The following ORC3 variants were observed in gnomAD, a reference collection of about 807,000 sequenced individuals.
ORC3 encodes the protein origin recognition complex subunit 3.
ORC3 carries 78 observed loss-of-function variants against 100.7 expected under a neutral mutation model. The observed-to-expected ratio is 0.77, with a 90% CI of 0.65 to 0.94. The LOEUF is 0.94. Among genes scored for constraint, ORC3 ranks in the 40% least tolerant of loss-of-function variants. The pLI is 0.00. For synonymous variants in ORC3, 295 were observed against 289.3 expected (o/e 1.02, Z -0.20); for missense variants, 789 against 823.9 (o/e 0.96, Z 0.52).
chr6:87,672,090 G>A (rs578010740), downstream of ORC3, among the ~76,000 whole-genome samples: 5 of 152,222 alleles, frequency 3.3e-5, no homozygotes, highest in Admixed American at 2.6e-4. Flanking sequence ...GATGAGGGTA[G>A]CTATTTAAAA....
At position 87,621,384 on chromosome 6, in the gene ORC3, C is replaced by A. The variant is rs904775797; in HGVS notation, c.1018C>A (p.Pro340Thr). The A allele has an allele frequency of 1.9e-6, 3 of 1,579,132 alleles. No individual in the cohort carries two copies. The African/African-American group carries it at 4.1e-5, about 22-fold the overall frequency. ...LSLLEHFYSQ[P>T]LSVLCCNLPE... Reference sequence around the variant, plus strand: ...TCTATTAGAGCATTTCTATTCCCAGCCCTTAAGTGTCCTGTGCTGTAATCT... The same window carrying A: ...TCTATTAGAGCATTTCTATTCCCAGACCTTAAGTGTCCTGTGCTGTAATCT... Residue 340 changes from proline to threonine, a missense_variant, in exon 10 of 20, where the codon CCC (proline) becomes ACC (threonine). Coordinates refer to ENST00000392844, the MANE Select transcript of ORC3 (RefSeq NM_012381.4).
At position 87,612,826 on chromosome 6, in the gene ORC3, T is replaced by C. The variant is rs1583039596; in HGVS notation, c.873+578T>C. ...GGGTACCATATTGGCCAGGCTGGTC[T>C]GGAACTCCTGACCTCAAGTGATCTA... On this transcript the variant is annotated intron_variant, in intron 8 of 19. Coordinates refer to ENST00000392844, the MANE Select transcript of ORC3 (RefSeq NM_012381.4). Among the ~76,000 whole-genome samples, 3 of 152,332 alleles carry C rather than the reference T, an allele frequency of 2.0e-5. 1 individual carries two copies. The highest frequency in any genetic ancestry group is 2.0e-4 in the Admixed American group (3 of 15,298).
intron 11 of ORC3, among the ~76,000 whole-genome samples, chr6:87,627,251 G>A (rs1161263966): frequency 4.7e-5 from 7 of 148,654 alleles, no homozygotes; most frequent in Admixed American, 2.7e-4. Context: ...CACCCGCCTC[G>A]GCCCCGCAAA....
the ORC3 span, among the ~76,000 whole-genome samples, chr6:87,676,483 G>A: frequency 0.019 from 2,806 of 144,044 alleles, 102 homozygotes; most frequent in African/African-American, 0.069. Context: ...GAGGCCGGGC[G>A]CGGTGGCTCA....
chr6:87,614,668 G>T (rs1295523144), intron 8 of ORC3, among the ~76,000 whole-genome samples: 1 of 152,092 alleles, frequency 6.6e-6, no homozygotes, highest in East Asian at 1.9e-4. Flanking sequence ...TCTCCCTCAA[G>T]TTCAAAGTTC....
At chr6:87,647,266 CCTCT>C (rs1393968067) in intron 13 of ORC3, among the ~76,000 whole-genome samples, 4 of 152,296 alleles carry the variant, frequency 2.6e-5, no homozygotes, top group African/African-American at 9.6e-5. Flanking sequence ...CCCCACATGG[CCTCT>C]CTCTGATTAC....
At chr6:87,633,491 T>G (rs1373599991) in intron 11 of ORC3, among the ~76,000 whole-genome samples, 1 of 152,226 alleles carries the variant, frequency 6.6e-6, no homozygotes, top group Non-Finnish European at 1.5e-5. Flanking sequence ...TAAAAACTTT[T>G]CTTTAATCTG....
At chr6:87,638,229 AG>A (rs1259498682) in intron 13 of ORC3, among the ~76,000 whole-genome samples, 4 of 152,218 alleles carry the variant, frequency 2.6e-5, no homozygotes, top group Non-Finnish European at 4.4e-5. Flanking sequence ...CAGCAAGGAC[AG>A]GCAGGAGTCT....
chr6:87,603,350 C>A (rs1778104230), intron 3 of ORC3, 34 bp from the exon 4 acceptor site: 1 of 1,159,888 alleles, frequency 8.6e-7, no homozygotes, highest in Non-Finnish European at 1.2e-6. Context: ...ATTATTATTT[C>A]TAATAATAAT....
At chr6:87,623,072 T>C (rs1169385750) in intron 11 of ORC3, among the ~76,000 whole-genome samples, 1 of 152,236 alleles carries the variant, frequency 6.6e-6, no homozygotes, top group Non-Finnish European at 1.5e-5. Flanking sequence ...CAAGAGAATG[T>C]TAGATCTTAT....
At chr6:87,613,384 C>T (rs1020758351) in intron 8 of ORC3, among the ~76,000 whole-genome samples, 9 of 152,160 alleles carry the variant, frequency 5.9e-5, no homozygotes, top group Admixed American at 5.2e-4. Context: ...TCCCATAGCA[C>T]TTGGGAATTC....
chr6:87,653,362 T>C (rs750594947), intron 14 of ORC3, 113 bp downstream of exon 14: 43 of 941,102 alleles, frequency 4.6e-5, no homozygotes, highest in Non-Finnish European at 6.2e-5. Flanking sequence ...AAGTAGTTCA[T>C]GATCAGTCAG....
At chr6:87,616,008 C>T (rs1250213592) in intron 8 of ORC3, among the ~76,000 whole-genome samples, 3 of 147,720 alleles carry the variant, frequency 2.0e-5, no homozygotes, top group Admixed American at 6.7e-5. Flanking sequence ...TCAGTGGTTT[C>T]TGGTGAGGAA....
intron 2 of ORC3, chr6:87,595,555 A>G (rs1777369212): frequency 2.0e-5 from 3 of 152,230 alleles, no homozygotes; most frequent in African/African-American, 4.8e-5. Flanking sequence ...CAATGGCTAC[A>G]TATTTCCAAG....
chr6:87,602,954 A>AAAATATATATATATATATATATATAT (rs1778049505), intron 3 of ORC3, among the ~76,000 whole-genome samples: 1 of 95,300 alleles, frequency 1.0e-5, no homozygotes, highest in Non-Finnish European at 2.1e-5. Context: ...ACACATATAT[A>AAAATATATATATATATATATATATAT]ATATATATAT....
intron 11 of ORC3, 33 bp downstream of exon 11, chr6:87,622,046 C>G (rs1779575249): frequency 7.2e-7 from 1 of 1,395,318 alleles, no homozygotes; most frequent in South Asian, 1.2e-5. Flanking sequence ...GTTTCATTCT[C>G]TTTTTCCTTT....
chr6:87,621,889 T>C, intron 10 of ORC3, 61 bp from the exon 11 acceptor site: 1 of 1,131,450 alleles, frequency 8.8e-7, no homozygotes, highest in Non-Finnish European at 1.3e-6. Context: ...CCCAATATGC[T>C]ATTTAAATAT....
intron 17 of ORC3, among the ~76,000 whole-genome samples, 167 bp from the exon 18 acceptor site, chr6:87,664,576 C>A (rs1770453104): frequency 1.3e-5 from 2 of 152,054 alleles, no homozygotes; most frequent in Admixed American, 1.3e-4. Context: ...AAGACATAAA[C>A]CTAAACAAGA....
rs530974572 is a variant in ORC3 at position 87,607,617 on chromosome 6, T to C, written c.428-56T>C. The C allele has an allele frequency of 7.0e-6, 10 of 1,419,688 alleles. No homozygotes were observed. In the African/African-American group the frequency reaches 1.4e-4, roughly 20 times the overall value. The allele number at this position is 1,419,688 out of a possible 1,614,324, so 87.9% of individuals were successfully genotyped here. ...ACTCAGCAAGAAGTTTCAAGAGCTT[T>C]GGTTTTATTTTTAGAAGAGGCAGAG... On this transcript the variant is annotated intron_variant, in intron 5 of 19. Coordinates refer to ENST00000392844, the MANE Select transcript of ORC3 (RefSeq NM_012381.4).
Sources: allele counts gnomAD v4.1 joint callset (sites outside exome capture counted in the v4.1 genomes callset), GRCh38; gene constraint gnomAD v4.1.1; transcripts MANE v1.5; gene names NCBI Gene and HGNC (gene_info 2026-07-23, HGNC 2026-07-21).